HERC5: variants seen among roughly 807,000 people sequenced by gnomAD.
HERC5 encodes HECT and RLD domain containing E3 ubiquitin protein ligase 5.
Under a neutral mutation model 119.6 loss-of-function variants are expected in HERC5, and 99 were observed. The observed-to-expected ratio is 0.83, with a 90% CI of 0.70 to 0.98. The LOEUF is 0.98. HERC5 is among the 50% of genes least tolerant of loss of function. HERC5 has a pLI of 0.00. For synonymous variants in HERC5, 478 were observed against 445.9 expected (o/e 1.07, Z -0.91); for missense variants, 1,267 against 1,241.3 (o/e 1.02, Z -0.31).
At chr4:88,470,721 G>T (rs376578004) in intron 10 of HERC5, 48 bp downstream of exon 10, 2 of 816,980 alleles carry the variant, frequency 2.4e-6, no homozygotes, top group Non-Finnish European at 3.8e-6. Flanking sequence ...TAAGAGTACC[G>T]TGAAAGAGGA....
At chr4:88,476,085 C>A in intron 12 of HERC5, 55 bp downstream of exon 12, 1 of 1,416,184 alleles carries the variant, frequency 7.1e-7, no homozygotes, top group Non-Finnish European at 9.7e-7. Context: ...AAAGACATGT[C>A]TAGTAAAGTT....
chr4:88,495,227 G>A (rs1741764577), intron 18 of HERC5, among the ~76,000 whole-genome samples: 2 of 152,050 alleles, frequency 1.3e-5, no homozygotes, highest in Admixed American at 1.3e-4. Context: ...TATGCAAATG[G>A]AATACTACAG....
At chr4:88,475,324 CTTTTTTT>C (rs757780297) in intron 11 of HERC5, among the ~76,000 whole-genome samples, 3 of 123,488 alleles carry the variant, frequency 2.4e-5, no homozygotes, top group Non-Finnish European at 5.2e-5. Context: ...TTCTTTCTTT[CTTTTTTT>C]TTTTTTTTTT....
rs774721012 is a variant in HERC5 at position 88,493,070 on chromosome 4, A to G, written c.2192A>G (p.Tyr731Cys). ...GGAGGAGTCAAGAAAGAGTTCTTCT[A>G]CTGTCTGTTTGCAGAGATGATCCAG... ...DLGGVKKEFF[Y>C]CLFAEMIQPE... Residue 731 changes from tyrosine to cysteine, a missense_variant, in exon 17 of 23, where the codon TAC (tyrosine) becomes TGC (cysteine). Around this residue, in one of 3 missense-constraint regions of HERC5, gnomAD observed 473 missense variants for 445.7 expected, o/e 1.06. Transcript: ENST00000264350. 2 of 1,614,026 alleles carry G rather than the reference A, an allele frequency of 1.2e-6. No homozygotes were observed. Among genetic ancestry groups the G allele is most frequent in the Admixed American group, 1.7e-5 (1 of 60,014 alleles).
At chr4:88,483,898 C>T (rs1401411544) in intron 13 of HERC5, among the ~76,000 whole-genome samples, 2 of 152,172 alleles carry the variant, frequency 1.3e-5, no homozygotes, top group African/African-American at 2.4e-5. Flanking sequence ...AATTGTTCCA[C>T]ATTTTAAATC....
chr4:88,496,214 G>A (rs1741791431), intron 18 of HERC5, among the ~76,000 whole-genome samples: 1 of 152,146 alleles, frequency 6.6e-6, no homozygotes, highest in Non-Finnish European at 1.5e-5. Flanking sequence ...TTGCTGGTCT[G>A]GCTCACATTT....
chr4:88,501,604 T>C (rs1253729229), intron 20 of HERC5, among the ~76,000 whole-genome samples: 1 of 152,184 alleles, frequency 6.6e-6, no homozygotes, highest in Non-Finnish European at 1.5e-5. Context: ...TTTCCACGAT[T>C]TCTTAATCTT....
intron 6 of HERC5, among the ~76,000 whole-genome samples, chr4:88,465,627 T>C (rs1740635801): frequency 2.0e-5 from 3 of 152,192 alleles, no homozygotes; most frequent in Non-Finnish European, 4.4e-5. Flanking sequence ...TACAGTCCTT[T>C]TGAGTAGCAT....
chr4:88,470,709 A>G (rs377060874), intron 10 of HERC5, 36 bp downstream of exon 10: 15 of 939,254 alleles, frequency 1.6e-5, no homozygotes, highest in Non-Finnish European at 2.5e-5. Context: ...ATTAAATTGT[A>G]TTAAGAGTAC....
At position 88,472,461 on chromosome 4, in the gene HERC5, A is replaced by T. The variant is rs1258431532; in HGVS notation, c.1351A>T (p.Ile451Phe). Residue 451 changes from isoleucine to phenylalanine, a missense_variant, in exon 11 of 23, where the codon ATC (isoleucine) becomes TTC (phenylalanine). Physicochemically the swap from Ile to Phe is conservative, Grantham distance 21 (BLOSUM62 0). This residue lies in a region of HERC5 where 777 missense variants were observed against 758.0 expected (regional missense o/e 1.03). Transcript: ENST00000264350. Reference protein sequence around the residue: ...VYLDLNKARNIFKELTQKDWI... With the variant: ...VYLDLNKARNFFKELTQKDWI... The stretch of plus-strand genomic sequence containing the variant: ...TTTGGACTTAAATAAAGCAAGAAAC[A>T]TCTTCAAGGAGTTAACCCAAAAGGA... The T allele has an allele frequency of 1.2e-6, 2 of 1,603,962 alleles. No individual in the cohort carries two copies. Among genetic ancestry groups the T allele is most frequent in the Non-Finnish European group, 1.7e-6 (2 of 1,172,446 alleles).
At chr4:88,459,227 A>G (rs1279197224) in intron 1 of HERC5, 120 bp from the exon 2 acceptor site, 2 of 751,498 alleles carry the variant, frequency 2.7e-6, no homozygotes, top group Non-Finnish European at 4.0e-6. Context: ...AGTTCATGGT[A>G]AGTCAAAGCT....
Position 88,481,299 on chromosome 4 carries a change from C to A in HERC5, c.1737+1792C>A, listed in dbSNP as rs1257910833. Among the ~76,000 whole-genome samples the A allele has an allele frequency of 1.3e-5, 2 of 152,162 alleles. 1 individual carries two copies. The highest frequency in any genetic ancestry group is 1.3e-4 in the Admixed American group (2 of 15,278). On this transcript the variant is annotated intron_variant, in intron 13 of 22. Coordinates refer to ENST00000264350, the MANE Select transcript of HERC5 (RefSeq NM_016323.4). The stretch of plus-strand genomic sequence containing the variant: ...AACTCCTGAGCTCAAATGATTGACC[C>A]ACCTCAGTCTCCCAAAGTCCTGGTA...
rs767360987 is a variant in HERC5 at position 88,486,176 on chromosome 4, G to A, written c.1799G>A (p.Arg600His). 6.5e-5 allele frequency: 105 copies of A among 1,612,248 alleles called. No homozygotes were observed. Among genetic ancestry groups the A allele is most frequent in the East Asian group, 4.5e-4 (20 of 44,828 alleles). Reference protein sequence around the residue: ...SIFQVDELLHRLNFFVEVCRR... With the variant: ...SIFQVDELLHHLNFFVEVCRR... ...TTCCAAGTAGACGAACTCTTGCACC[G>A]TCTCAATTTTTTTGTAGAAGTATGC... The change falls in exon 14 of 23, where the codon CGT becomes CAT. Residue 600 changes from arginine to histidine, a missense_variant. By Grantham distance (29) the Arg-to-His change is conservative (BLOSUM62 0). Coordinates refer to ENST00000264350, the MANE Select transcript of HERC5 (RefSeq NM_016323.4).
At chr4:88,477,029 C>T (rs116131470) in intron 12 of HERC5, among the ~76,000 whole-genome samples, 1,757 of 144,370 alleles carry the variant, frequency 0.012, 18 homozygotes, top group Middle Eastern at 0.045. Context: ...TCAAATTTCT[C>T]TTCTTTTCCC....
At chr4:88,466,929 T>C in intron 6 of HERC5, 130 bp from the exon 7 acceptor site, 1 of 925,666 alleles carries the variant, frequency 1.1e-6, no homozygotes, top group East Asian at 2.4e-5. Context: ...TTCCAGATGA[T>C]TTTCATCCTC....
At position 88,457,452 on chromosome 4, in the gene HERC5, G is replaced by A; in HGVS notation, c.183G>A (p.Gly61=). The A allele has an allele frequency of 7.4e-7, 1 of 1,349,000 alleles. No homozygotes were observed. The highest frequency in any genetic ancestry group is 9.5e-7 in the Non-Finnish European group (1 of 1,054,016). 83.6% of individuals were successfully genotyped at this position (1,349,000 alleles called of 1,614,324 possible). A position where few individuals can be genotyped will look rare whatever the true frequency, so the allele number is the denominator to read the frequency against. Residue 61 remains glycine (G), a synonymous_variant, in exon 1 of 23, where the codon GGG becomes GGA. Coordinates refer to ENST00000264350, the MANE Select transcript of HERC5 (RefSeq NM_016323.4). ...CGCGCCAACTCTGCTGCTCGCCGGG[G>A]CGCCTCGCGGTCTTGGAACGCGGCG... ...EVTRQLCCSP[G]RLAVLERGGA...
chr4:88,493,001 T>G lies in HERC5; in HGVS notation c.2134-11T>G. 2 of 1,613,022 alleles carry G rather than the reference T, an allele frequency of 1.2e-6. No homozygotes were observed. Among genetic ancestry groups the G allele is most frequent in the African/African-American group, 1.3e-5 (1 of 74,638 alleles). On this transcript the variant is annotated splice_polypyrimidine_tract_variant and intron_variant, in intron 16 of 22. Coordinates refer to ENST00000264350, the MANE Select transcript of HERC5 (RefSeq NM_016323.4). ...CCTGGAAGTGATGTATTATTTGCTC[T>G]GTTTCCTCAGGTTTCATTTAGTGGA...
At chr4:88,461,581 C>T (rs1740445564) in intron 3 of HERC5, among the ~76,000 whole-genome samples, 1 of 152,132 alleles carries the variant, frequency 6.6e-6, no homozygotes, top group East Asian at 1.9e-4. Context: ...TAGATATTGT[C>T]AGCTCTATCA....
At position 88,467,105 on chromosome 4, in the gene HERC5, T is replaced by G; in HGVS notation, c.958T>G (p.Phe320Val). 6.2e-7 allele frequency: 1 copy of G among 1,614,070 alleles called. No homozygotes were observed. Among genetic ancestry groups the G allele is most frequent in the Non-Finnish European group, 8.5e-7 (1 of 1,179,914 alleles). Residue 320 changes from phenylalanine (F) to valine (V), a missense_variant, in exon 7 of 23, where the codon TTT (phenylalanine) becomes GTT (valine). Phe to Val is a conservative substitution (Grantham distance 50). Coordinates refer to ENST00000264350, the MANE Select transcript of HERC5 (RefSeq NM_016323.4). ...YVSDLGKVFS[F>V]GSGKDGQLGN... ...TTCTGATTTGGGAAAGGTCTTTTCCTTTGGTTCTGGAAAAGATGGACAACT... is the reference window on the plus strand; with the variant it reads ...TTCTGATTTGGGAAAGGTCTTTTCCGTTGGTTCTGGAAAAGATGGACAACT...
Sources: allele counts gnomAD v4.1 joint callset (sites outside exome capture counted in the v4.1 genomes callset), GRCh38; gene constraint gnomAD v4.1.1; regional missense constraint gnomAD v4.1.1; transcripts MANE v1.5; gene names NCBI Gene and HGNC (gene_info 2026-07-23, HGNC 2026-07-21).